The following DIS3L2 variants were observed in gnomAD, a reference collection of about 807,000 sequenced individuals.
DIS3L2 encodes DIS3 like 3'-5' exoribonuclease 2, also known as DIS3-like exonuclease 2.
A neutral mutation model predicts 97.5 loss-of-function variants in DIS3L2; 34 were observed. That is an observed-to-expected ratio of 0.35 (90% CI 0.27 to 0.46). The LOEUF (loss-of-function observed/expected upper bound fraction) is 0.46, where lower values mean the gene tolerates loss of function less well. Among genes scored for constraint, DIS3L2 ranks in the 20% least tolerant of loss-of-function variants. DIS3L2 has a pLI of 1.00. For synonymous variants in DIS3L2, 435 were observed against 445.2 expected, an observed-to-expected ratio of 0.98 and a Z score of 0.29; for missense variants, 1,038 against 1,146.0, an observed-to-expected ratio of 0.91 and a Z score of 1.36.
chr2:231,970,421 T>C (rs1326108603), intron 1 of DIS3L2, among the ~76,000 whole-genome samples: 1 of 152,210 alleles, frequency 6.6e-6, no homozygotes, highest in Non-Finnish European at 1.5e-5. Context: ...ACACCTAGGC[T>C]ATATGGTAAA....
chr2:232,154,067 C>T (rs1690402434), intron 8 of DIS3L2, among the ~76,000 whole-genome samples: 1 of 116,462 alleles, frequency 8.6e-6, no homozygotes. Context: ...CTCCTTTAAG[C>T]ACTTCTCTGT....
In DIS3L2 at chr2:232,015,636, G is replaced by A. The variant is rs1031144721; in HGVS notation, c.175G>A (p.Val59Ile). Residue 59 changes from valine to isoleucine, a missense_variant, in exon 3 of 21, where the codon GTT becomes ATT. Val to Ile is a conservative substitution (Grantham distance 29). Around this residue, in one of 3 missense-constraint regions of DIS3L2, gnomAD observed 813 missense variants for 880.1 expected, o/e 0.92. Transcript: ENST00000325385. ...TGAAACTTACATGTCCAAGGAGGAT[G>A]TTTCAGAAGGCTTGAAGAGAGGAAC... ...IFETYMSKED[V>I]SEGLKRGTLI... The A allele has an allele frequency of 6.2e-7, 1 of 1,613,972 alleles. No individual in the cohort carries two copies. Among genetic ancestry groups the A allele is most frequent in the Non-Finnish European group, 8.5e-7 (1 of 1,179,906 alleles).
chr2:232,060,908 ATTTG>A (rs1246456506), intron 5 of DIS3L2, among the ~76,000 whole-genome samples: 1 of 152,098 alleles, frequency 6.6e-6, no homozygotes, highest in African/African-American at 2.4e-5. Context: ...ATTTAATTTT[ATTTG>A]TAGCTATTAT....
Position 232,333,872 on chromosome 2 carries a change from G to A in DIS3L2, c.2043G>A (p.Gln681=), listed in dbSNP as rs1695848085. ...TGTACTTCTGCTCGGGGCTGCTGCA[G>A]GACCCAGCGCAGTTCCGGCACTACG... The part of the protein sequence containing the change: ...MALYFCSGLL[Q]DPAQFRHYAL... Residue 681 remains glutamine, a synonymous_variant, in exon 17 of 21, where the codon CAG becomes CAA. Transcript: ENST00000325385. 1.2e-6 allele frequency: 2 copies of A among 1,612,642 alleles called. No homozygotes were observed. Among genetic ancestry groups the A allele is most frequent in the Admixed American group, 1.7e-5 (1 of 59,990 alleles).
intron 5 of DIS3L2, among the ~76,000 whole-genome samples, chr2:232,041,154 G>A (rs1489185144): frequency 6.6e-6 from 1 of 152,150 alleles, no homozygotes; most frequent in Non-Finnish European, 1.5e-5. Context: ...GACAGGTGTT[G>A]AGAATGAGGG....
At chr2:232,259,212 C>G (rs995372606) in intron 12 of DIS3L2, among the ~76,000 whole-genome samples, 1 of 151,974 alleles carries the variant, frequency 6.6e-6, no homozygotes, top group African/African-American at 2.4e-5. Flanking sequence ...ACTGCAGTCT[C>G]CAATTTGGTG....
At chr2:232,324,362 G>T (rs1695517563) in intron 14 of DIS3L2, among the ~76,000 whole-genome samples, 1 of 152,178 alleles carries the variant, frequency 6.6e-6, no homozygotes, top group Non-Finnish European at 1.5e-5. Context: ...TCTGTGAGTG[G>T]CCTCATTCCA....
At chr2:232,320,786 T>C (rs1695410206) in intron 14 of DIS3L2, among the ~76,000 whole-genome samples, 1 of 152,210 alleles carries the variant, frequency 6.6e-6, no homozygotes, top group Non-Finnish European at 1.5e-5. Context: ...CACCAGCTCC[T>C]CCATGTGCTG....
chr2:232,194,157 A>G (rs1218440358), intron 9 of DIS3L2, among the ~76,000 whole-genome samples: 4 of 152,098 alleles, frequency 2.6e-5, no homozygotes, highest in African/African-American at 9.7e-5. Context: ...AATATTTGTT[A>G]TCTCTACTAT....
chr2:232,002,636 G>A (rs1190547195), intron 1 of DIS3L2, among the ~76,000 whole-genome samples: 2 of 152,000 alleles, frequency 1.3e-5, no homozygotes, highest in East Asian at 3.9e-4. Flanking sequence ...TTTGTTTTAT[G>A]TTGCTTTTTT....
At chr2:232,329,711 GA>G in intron 14 of DIS3L2, 101 bp from the exon 15 acceptor site, 1 of 1,219,718 alleles carries the variant, frequency 8.2e-7, no homozygotes, top group Non-Finnish European at 1.1e-6. Flanking sequence ...GCTGAGACCT[GA>G]AGGGTGATTG....
At chr2:232,204,437 T>C (rs1042718405) in intron 9 of DIS3L2, among the ~76,000 whole-genome samples, 4 of 152,210 alleles carry the variant, frequency 2.6e-5, no homozygotes, top group Admixed American at 6.5e-5. Flanking sequence ...CTTAGAAGTT[T>C]TCTGTCTCTT....
chr2:232,072,783 G>GGGGTGTGTGTGTGTGTGTGT, intron 5 of DIS3L2, among the ~76,000 whole-genome samples: 1 of 139,812 alleles, frequency 7.2e-6, no homozygotes, highest in Non-Finnish European at 1.5e-5. Context: ...TGGGATGTGG[G>GGGGTGTGTGTGTGTGTGTGT]GTGTGTGTGT....
Position 232,293,406 on chromosome 2 carries a change from A to G in DIS3L2, c.1660-6634A>G, listed in dbSNP as rs1363275340. 4.6e-5 allele frequency among the ~76,000 whole-genome samples: 7 copies of G among 152,146 alleles called. No individual in the cohort carries two copies. The highest frequency in any genetic ancestry group is 1.0e-4 in the Non-Finnish European group (7 of 68,018). ...AAGCCACCCTTGGATTCTCTGGGGG[A>G]AATACCTCTGGCATTCCAGCGAAGG... On this transcript the variant is annotated intron_variant, in intron 13 of 20. Coordinates refer to ENST00000325385, the MANE Select transcript of DIS3L2 (RefSeq NM_152383.5). This position sits in a 1 kb window ranked among gnomAD's most constrained non-coding sequence, Gnocchi z 4.6.
At chr2:232,099,051 G>A (rs558533288) in intron 6 of DIS3L2, among the ~76,000 whole-genome samples, 3 of 152,066 alleles carry the variant, frequency 2.0e-5, no homozygotes, top group East Asian at 1.9e-4. Context: ...TTTATGATGC[G>A]CATTCTTCAT....
chr2:232,182,912 AT>A (rs988296021), intron 9 of DIS3L2, among the ~76,000 whole-genome samples: 37 of 151,724 alleles, frequency 2.4e-4, no homozygotes, highest in African/African-American at 8.5e-4. Flanking sequence ...TCTGCTGTTC[AT>A]TTTCTGACTT....
chr2:232,115,540 A>C (rs112163702), intron 6 of DIS3L2, among the ~76,000 whole-genome samples: 7 of 152,168 alleles, frequency 4.6e-5, no homozygotes. Context: ...TTGCCTGTGA[A>C]TGATATGGTT....
At chr2:231,972,045 C>T (rs1311337911) in intron 1 of DIS3L2, among the ~76,000 whole-genome samples, 5 of 151,400 alleles carry the variant, frequency 3.3e-5, no homozygotes, top group Non-Finnish European at 7.4e-5. Flanking sequence ...ATTAGCAGGG[C>T]GTGGTGGTGT....
intron 1 of DIS3L2, among the ~76,000 whole-genome samples, chr2:231,995,653 G>T (rs1420045821): frequency 1.3e-5 from 2 of 152,178 alleles, no homozygotes; most frequent in African/African-American, 2.4e-5. Flanking sequence ...TATAGCCTCA[G>T]TTTCTACTTT....
Sources: allele counts gnomAD v4.1 joint callset (sites outside exome capture counted in the v4.1 genomes callset), GRCh38; gene constraint gnomAD v4.1.1; regional missense constraint gnomAD v4.1.1; non-coding constraint Gnocchi (gnomAD v3.1); transcripts MANE v1.5; gene names NCBI Gene and HGNC (gene_info 2026-07-23, HGNC 2026-07-21).